UGT1A8: variants seen among roughly 807,000 people sequenced by gnomAD.
The protein encoded by UGT1A8 is UDP-glucuronosyltransferase 1A8.
UGT1A8 carries 39 observed loss-of-function variants against 45.3 expected under a neutral mutation model. The ratio of observed to expected loss-of-function variants is 0.86; its 90% CI spans 0.67 to 1.12. The LOEUF (loss-of-function observed/expected upper bound fraction) is 1.12. Ranked by LOEUF, UGT1A8 falls within the 50% of genes most tolerant of loss-of-function variation. UGT1A8 has a pLI of 0.00. For missense variants in UGT1A8, 719 were observed against 664.9 expected (o/e 1.08, Z -0.90); for synonymous variants, 275 against 249.2 (o/e 1.10, Z -0.97).
chr2:233,651,358 G>C (rs1311812542), intron 1 of UGT1A8, among the ~76,000 whole-genome samples: 1 of 151,994 alleles, frequency 6.6e-6, no homozygotes, highest in Non-Finnish European at 1.5e-5. Flanking sequence ...ATCATGTTAA[G>C]ATATGTATAA....
chr2:233,675,838 T>C (rs2074337350), intron 1 of UGT1A8, among the ~76,000 whole-genome samples: 1 of 152,184 alleles, frequency 6.6e-6, no homozygotes, highest in Admixed American at 6.5e-5. Flanking sequence ...ACTGAACAAT[T>C]CATTTAATAT....
At chr2:233,737,526 G>C (rs574961545) in intron 1 of UGT1A8, among the ~76,000 whole-genome samples, 8 of 152,286 alleles carry the variant, frequency 5.3e-5, no homozygotes, top group African/African-American at 1.9e-4. Context: ...GTGAGGCGAC[G>C]CCCTGCCCTG....
At chr2:233,652,289 A>T (rs2073760949) in intron 1 of UGT1A8, among the ~76,000 whole-genome samples, 1 of 152,256 alleles carries the variant, frequency 6.6e-6, no homozygotes, top group African/African-American at 2.4e-5. Context: ...CAAAGTTTTC[A>T]AATGTATAGC....
chr2:233,682,293 TA>T (rs748312347), intron 1 of UGT1A8: 2 of 1,614,086 alleles, frequency 1.2e-6, no homozygotes, highest in Non-Finnish European at 1.7e-6. Context: ...ATTTTTGACT[TA>T]TTTTTTTCAA....
intron 1 of UGT1A8, chr2:233,637,190 T>C: frequency 6.2e-7 from 1 of 1,613,962 alleles, no homozygotes; most frequent in Non-Finnish European, 8.5e-7. Flanking sequence ...TGCCAGTATC[T>C]TTTTAGAAAT....
chr2:233,656,527 T>C (rs990418178), intron 1 of UGT1A8, among the ~76,000 whole-genome samples: 70 of 152,370 alleles, frequency 4.6e-4, no homozygotes, highest in African/African-American at 1.6e-3. Flanking sequence ...CTGTGGCAGT[T>C]GGAACATAGT....
intron 1 of UGT1A8, chr2:233,672,473 G>T (rs1054001269): frequency 6.2e-7 from 1 of 1,613,924 alleles, no homozygotes; most frequent in East Asian, 2.2e-5. Context: ...CTTGAAGAAG[G>T]TGCACAGTGC....
At chr2:233,747,077 T>G (rs1575680795) in intron 1 of UGT1A8, 1 of 1,083,878 alleles carries the variant, frequency 9.2e-7, no homozygotes, top group East Asian at 2.9e-5. Flanking sequence ...AATAATTAAC[T>G]AGGAGGAGAG....
intron 1 of UGT1A8, among the ~76,000 whole-genome samples, chr2:233,695,976 G>A (rs1024119287): frequency 6.6e-6 from 1 of 152,118 alleles, no homozygotes; most frequent in African/African-American, 2.4e-5. Flanking sequence ...ATTCAGTTCT[G>A]AAGATGTCCA....
chr2:233,699,130 A>C (rs150919646), intron 1 of UGT1A8, among the ~76,000 whole-genome samples: 33 of 152,278 alleles, frequency 2.2e-4, no homozygotes, highest in African/African-American at 7.9e-4. Flanking sequence ...TACTTATGTC[A>C]GATTCTCATG....
At position 233,648,654 on chromosome 2, in the gene UGT1A8, C is replaced by T. The variant is rs577617193; in HGVS notation, c.855+30092C>T. The T allele has an allele frequency of 3.7e-4, 96 of 262,506 alleles. 1 individual carries two copies. Among genetic ancestry groups the T allele is most frequent in the Non-Finnish European group, 5.9e-4 (78 of 132,832 alleles). 16.3% of individuals were successfully genotyped at this position (262,506 alleles called of 1,614,324 possible). ...TTTTTTTTTGTATTTTTAGTGGAGA[C>T]GGGGTTTCACCGTGTTAGCCAGGAT... is the stretch of plus-strand genomic sequence containing the variant. On this transcript the variant is annotated intron_variant, in intron 1 of 4. Coordinates refer to ENST00000373450, the MANE Select transcript of UGT1A8 (RefSeq NM_019076.5).
intron 1 of UGT1A8, chr2:233,672,690 G>C (rs17863776): frequency 1.2e-6 from 2 of 1,613,782 alleles, no homozygotes; most frequent in Non-Finnish European, 8.5e-7. Context: ...CAATTTGGTT[G>C]TTGCGAACGG....
intron 1 of UGT1A8, chr2:233,760,240 A>G (rs749913707): frequency 1.2e-6 from 2 of 1,607,210 alleles, no homozygotes; most frequent in South Asian, 2.2e-5. Context: ...TGCCATATAT[A>G]TATATATAAG....
chr2:233,646,020 G>T (rs1385112121), intron 1 of UGT1A8, among the ~76,000 whole-genome samples: 1 of 152,198 alleles, frequency 6.6e-6, no homozygotes, highest in Non-Finnish European at 1.5e-5. Context: ...TATCCATACA[G>T]CCTCTGAAAT....
At chr2:233,668,179 A>G (rs1342011394) in intron 1 of UGT1A8, among the ~76,000 whole-genome samples, 1 of 151,840 alleles carries the variant, frequency 6.6e-6, no homozygotes, top group African/African-American at 2.4e-5. Context: ...TACATTAGGT[A>G]TTTTTCCTAA....
chr2:233,682,923 G>A, intron 1 of UGT1A8: 4 of 1,471,882 alleles, frequency 2.7e-6, no homozygotes, highest in Non-Finnish European at 3.6e-6. Flanking sequence ...GAATTCTTTT[G>A]TACCAATTCA....
At chr2:233,687,251 G>A (rs2074829035) in intron 1 of UGT1A8, among the ~76,000 whole-genome samples, 1 of 152,154 alleles carries the variant, frequency 6.6e-6, no homozygotes, top group African/African-American at 2.4e-5. Context: ...CAAGATTAAT[G>A]ATCTTAACCA....
chr2:233,719,487 A>C lies in UGT1A8; in HGVS notation c.856-47547A>C, dbSNP rs138822211. The C allele has an allele frequency of 3.9e-4, 633 of 1,613,068 alleles. 2 individuals are homozygous for C. Among genetic ancestry groups the C allele is most frequent in the African/African-American group, 3.8e-3 (282 of 75,012 alleles). ...GCTCTACCCTCTGGCCCTGTCCTAC[A>C]TTTGCCATACTTTTTCTGCCCCTTA... On this transcript the variant is annotated intron_variant, in intron 1 of 4. Coordinates refer to ENST00000373450, the MANE Select transcript of UGT1A8 (RefSeq NM_019076.5).
chr2:233,728,156 C>T (rs2077686156), intron 1 of UGT1A8, among the ~76,000 whole-genome samples: 1 of 152,250 alleles, frequency 6.6e-6, no homozygotes, highest in Non-Finnish European at 1.5e-5. Context: ...GCAGCCCATT[C>T]TGTTCTGGAG....
Sources: gnomAD v4.1 joint callset for allele counts (sites outside exome capture counted in the v4.1 genomes callset) on GRCh38, gnomAD v4.1.1 for gene constraint, MANE v1.5 for transcripts, NCBI Gene and HGNC (gene_info 2026-07-23, HGNC 2026-07-21) for gene names.